Variants in SLC20A1 observed in about 807,000 individuals in gnomAD.
SLC20A1 encodes the protein solute carrier family 20 member 1.
In SLC20A1, 28 loss-of-function variants were observed where a neutral mutation model predicts 62.7. The observed-to-expected ratio is 0.45, with a 90% CI of 0.33 to 0.61. The LOEUF (loss-of-function observed/expected upper bound fraction) is 0.61, where lower values mean the gene tolerates loss of function less well. Among genes scored for constraint, SLC20A1 ranks in the 20% least tolerant of loss-of-function variants. The pLI, the probability that SLC20A1 is intolerant of heterozygous loss-of-function variation, is 0.02. For synonymous variants in SLC20A1, 305 were observed against 302.9 expected (o/e 1.01, Z -0.07); for missense variants, 673 against 838.6 (o/e 0.80, Z 2.44).
intron 5 of SLC20A1, among the ~76,000 whole-genome samples, chr2:112,656,314 A>C (rs1431873624): frequency 6.7e-6 from 1 of 148,840 alleles, no homozygotes; most frequent in Admixed American, 6.8e-5. Context: ...CTCCCACCTC[A>C]GCCTCCCGAG....
intron 6 of SLC20A1, among the ~76,000 whole-genome samples, chr2:112,657,927 T>C (rs1164866246): frequency 1.3e-5 from 2 of 152,214 alleles, no homozygotes; most frequent in African/African-American, 4.8e-5. Flanking sequence ...TTCCTTAAAA[T>C]AATCATTTTC....
Position 112,652,717 on chromosome 2 carries a change from A to G in SLC20A1, c.577A>G (p.Asn193Asp). Reference sequence around the variant, plus strand: ...TGTTTTACAGGCAGATCCAGTTCCTAATGGTTTGCGAGCTTTGCCAGTTTT... The same window carrying G: ...TGTTTTACAGGCAGATCCAGTTCCTGATGGTTTGCGAGCTTTGCCAGTTTT... Reference protein sequence around the residue: ...FILHKADPVPNGLRALPVFYA... With the variant: ...FILHKADPVPDGLRALPVFYA... Residue 193 changes from asparagine (N) to aspartate (D), a missense_variant, in exon 5 of 11, where the codon AAT becomes GAT. Physicochemically the swap from Asn to Asp is conservative, Grantham distance 23. Coordinates refer to ENST00000272542, the MANE Select transcript of SLC20A1 (RefSeq NM_005415.5). 3.1e-6 allele frequency: 5 copies of G among 1,613,948 alleles called. No homozygotes were observed. Among genetic ancestry groups the G allele is most frequent in the Non-Finnish European group, 4.2e-6 (5 of 1,179,818 alleles).
intron 1 of SLC20A1, 98 bp from the exon 2 acceptor site, chr2:112,646,465 A>T (rs1686279898): frequency 6.6e-6 from 1 of 152,392 alleles, no homozygotes; most frequent in Non-Finnish European, 1.5e-5. Context: ...AGTAGCCGGC[A>T]GAGGCTATTG....
chr2:112,658,705 A>T, intron 6 of SLC20A1, 120 bp from the exon 7 acceptor site: 1 of 1,103,596 alleles, frequency 9.1e-7, no homozygotes, highest in South Asian at 1.7e-5. Context: ...CTGAATGTTA[A>T]TTGAAGTTCA....
At position 112,663,354 on chromosome 2, in the gene SLC20A1, A is replaced by AT. The variant is rs1044877034; in HGVS notation, c.*338dup. ...ATGTTGTCTCTGAAGATGACTTGTGATTTTTTTTTCTTTTTTTTAAACCAT... is the reference window on the plus strand; with the variant it reads ...ATGTTGTCTCTGAAGATGACTTGTGATTTTTTTTTTCTTTTTTTTAAACCAT... On this transcript the variant is annotated 3_prime_UTR_variant, in exon 11 of 11. Coordinates refer to ENST00000272542, the MANE Select transcript of SLC20A1 (RefSeq NM_005415.5). 143 of 352,264 alleles carry AT rather than the reference A, an allele frequency of 4.1e-4. No individual in the cohort carries two copies. The highest frequency in any genetic ancestry group is 8.2e-4 in the East Asian group (10 of 12,250). The allele number at this position is 352,264 out of a possible 1,614,324, so 21.8% of individuals were successfully genotyped here.
intron 5 of SLC20A1, among the ~76,000 whole-genome samples, chr2:112,654,480 C>G (rs1168575213): frequency 6.6e-6 from 1 of 152,128 alleles, no homozygotes; most frequent in African/African-American, 2.4e-5. Flanking sequence ...TCCTTTTTGA[C>G]TTGGAATGTA....
At chr2:112,648,902 G>A (rs1393640676) in intron 4 of SLC20A1, among the ~76,000 whole-genome samples, 1 of 152,202 alleles carries the variant, frequency 6.6e-6, no homozygotes, top group East Asian at 1.9e-4. Flanking sequence ...CAGTAGTCAT[G>A]GACCAGATTT....
Position 112,659,328 on chromosome 2 carries a change from A to G in SLC20A1, c.1173A>G (p.Leu391=), listed in dbSNP as rs1390321696. ...AGGATTCCGGCCTGTACAAAGAGCTACTCCATAAATTACATCTTGCCAAGG... is the reference window on the plus strand; with the variant it reads ...AGGATTCCGGCCTGTACAAAGAGCTGCTCCATAAATTACATCTTGCCAAGG... ...VHKDSGLYKE[L]LHKLHLAKVG... Residue 391 remains leucine, a synonymous_variant, in exon 8 of 11, where the codon CTA becomes CTG. Coordinates refer to ENST00000272542, the MANE Select transcript of SLC20A1 (RefSeq NM_005415.5). 6 of 1,614,062 alleles carry G rather than the reference A, an allele frequency of 3.7e-6. No individual in the cohort carries two copies. The highest frequency in any genetic ancestry group is 3.3e-4 in the Middle Eastern group (2 of 6,062).
chr2:112,660,726 G>T, intron 9 of SLC20A1, 154 bp downstream of exon 9: 1 of 687,960 alleles, frequency 1.5e-6, no homozygotes, highest in Non-Finnish European at 2.3e-6. Context: ...TTACTTGTCT[G>T]GCCCTTAAAC....
rs1686285025 is a variant in SLC20A1 at position 112,646,581 on chromosome 2, C to T, written c.-248C>T. On this transcript the variant is annotated 5_prime_UTR_variant, in exon 2 of 11. Coordinates refer to ENST00000272542, the MANE Select transcript of SLC20A1 (RefSeq NM_005415.5). Reference sequence around the variant, plus strand: ...CCCGCAGGATGAACTTGCGTCCTTTCTCTTCTCCGCCATGGAATTCTGCTC... The same window carrying T: ...CCCGCAGGATGAACTTGCGTCCTTTTTCTTCTCCGCCATGGAATTCTGCTC... 1 of 183,276 alleles carries T rather than the reference C, an allele frequency of 5.5e-6. No individual in the cohort carries two copies. Among genetic ancestry groups the T allele is most frequent in the South Asian group, 1.9e-4 (1 of 5,166 alleles). The allele number at this position is 183,276 out of a possible 1,614,324, so 11.4% of individuals were successfully genotyped here.
At chr2:112,653,092 G>A (rs936097275) in intron 5 of SLC20A1, 36 of 537,916 alleles carry the variant, frequency 6.7e-5, no homozygotes, top group Non-Finnish European at 1.1e-4. Flanking sequence ...TGCTAAAAAT[G>A]CTGGAATTAA....
Position 112,658,948 on chromosome 2 carries a change from T to A in SLC20A1, c.902T>A (p.Val301Glu), listed in dbSNP as rs1433325776. 4.3e-6 allele frequency: 7 copies of A among 1,614,158 alleles called. No individual in the cohort carries two copies. Among genetic ancestry groups the A allele is most frequent in the Non-Finnish European group, 5.1e-6 (6 of 1,180,026 alleles). The change falls in exon 7 of 11, where the codon GTA (valine) becomes GAA (glutamate). Residue 301 changes from valine to glutamate, a missense_variant. By Grantham distance (121) the Val-to-Glu change is moderately radical. Coordinates refer to ENST00000272542, the MANE Select transcript of SLC20A1 (RefSeq NM_005415.5). Reference protein sequence around the residue: ...DIENKHPVSEVGPATVPLQAV... With the variant: ...DIENKHPVSEEGPATVPLQAV... ...GAAAACAAGCATCCTGTTTCTGAGG[T>A]AGGGCCTGCCACTGTGCCCCTCCAG...
intron 10 of SLC20A1, among the ~76,000 whole-genome samples, chr2:112,662,532 A>G (rs1686779630): frequency 1.3e-5 from 2 of 152,228 alleles, no homozygotes; most frequent in Non-Finnish European, 2.9e-5. Flanking sequence ...GTGAGCCAAG[A>G]TTGCGCCACT....
chr2:112,655,316 TC>T (rs1023354219), intron 5 of SLC20A1, among the ~76,000 whole-genome samples: 51 of 152,008 alleles, frequency 3.4e-4, no homozygotes, highest in African/African-American at 1.2e-3. Context: ...TGATAGAATT[TC>T]CAGTTTATAA....
At chr2:112,652,629 C>T (rs1182275678) in intron 4 of SLC20A1, 73 bp from the exon 5 acceptor site, 1 of 1,209,558 alleles carries the variant, frequency 8.3e-7, no homozygotes, top group Non-Finnish European at 1.2e-6. Context: ...CAAACCTACC[C>T]TGTTAAAAGA....
chr2:112,647,268 G>A, intron 2 of SLC20A1, 56 bp from the exon 3 acceptor site: 1 of 1,592,368 alleles, frequency 6.3e-7, no homozygotes, highest in Non-Finnish European at 8.6e-7. Flanking sequence ...TTCTGAATGT[G>A]CCACTTACAT....
rs1285893818 is a variant in SLC20A1 at position 112,659,413 on chromosome 2, T to A, written c.1258T>A (p.Ser420Thr). Reference sequence around the variant, plus strand: ...CTTAAGGCGCAATAATAGCTATACTTCCTATACCATGGCAATATGTGGCAT... The same window carrying A: ...CTTAAGGCGCAATAATAGCTATACTACCTATACCATGGCAATATGTGGCAT... Reference protein sequence around the residue: ...KPLRRNNSYTSYTMAICGMPL... With the variant: ...KPLRRNNSYTTYTMAICGMPL... Residue 420 changes from serine to threonine, a missense_variant, in exon 8 of 11, where the codon TCC becomes ACC. Coordinates refer to ENST00000272542, the MANE Select transcript of SLC20A1 (RefSeq NM_005415.5). 6.2e-7 allele frequency: 1 copy of A among 1,614,132 alleles called. No individual in the cohort carries two copies. Among genetic ancestry groups the A allele is most frequent in the Non-Finnish European group, 8.5e-7 (1 of 1,180,022 alleles).
intron 4 of SLC20A1, among the ~76,000 whole-genome samples, chr2:112,649,709 T>C (rs1686384710): frequency 6.6e-6 from 1 of 152,222 alleles, no homozygotes; most frequent in Non-Finnish European, 1.5e-5. Flanking sequence ...AGGAATATGC[T>C]TCAGTGCTCC....
In SLC20A1 at chr2:112,658,856, C is replaced by T. The variant is rs200875040; in HGVS notation, c.810C>T (p.Pro270=). ...TAAAGTGTAGTCCTTCTGAAAGCCC[C>T]TTAATGGAAAAAAAGAATAGCTTGA... ...REIKCSPSES[P]LMEKKNSLKE... Residue 270 remains proline (P), a synonymous_variant, in exon 7 of 11, where the codon CCC becomes CCT. Transcript: ENST00000272542. The T allele has an allele frequency of 1.2e-6, 2 of 1,613,336 alleles. No individual in the cohort carries two copies. Among genetic ancestry groups the T allele is most frequent in the Non-Finnish European group, 1.7e-6 (2 of 1,179,794 alleles).
Sources: allele counts gnomAD v4.1 joint callset (sites outside exome capture counted in the v4.1 genomes callset), GRCh38; gene constraint gnomAD v4.1.1; transcripts MANE v1.5; gene names NCBI Gene and HGNC (gene_info 2026-07-23, HGNC 2026-07-21).